HERC2: variants seen among roughly 807,000 people sequenced by gnomAD.
The protein encoded by HERC2 is E3 ubiquitin-protein ligase HERC2.
HERC2 carries 102 observed loss-of-function variants against 537.7 expected under a neutral mutation model. The observed-to-expected ratio is 0.19, with a 90% CI of 0.16 to 0.22. The LOEUF (loss-of-function observed/expected upper bound fraction) is 0.22, where lower values mean the gene tolerates loss of function less well. Ranked by LOEUF, HERC2 falls within the 10% of genes least tolerant of loss-of-function variation. The pLI is 1.00. For synonymous variants in HERC2, 2,224 were observed against 2,466.2 expected, an observed-to-expected ratio of 0.90 and a Z score of 2.91; for missense variants, 4,236 against 6,198.2, an observed-to-expected ratio of 0.68 and a Z score of 10.63.
chr15:28,133,807 C>T (rs950056907), intron 79 of HERC2, among the ~76,000 whole-genome samples: 4 of 152,170 alleles, frequency 2.6e-5, no homozygotes, highest in African/African-American at 9.7e-5. Flanking sequence ...ATTTGCCAGC[C>T]GGTTTCTGGA....
intron 37 of HERC2, among the ~76,000 whole-genome samples, chr15:28,219,736 T>C (rs900661689): frequency 6.6e-6 from 1 of 152,198 alleles, no homozygotes; most frequent in African/African-American, 2.4e-5. Flanking sequence ...TTTCTGAGCC[T>C]GATGACACTG....
At chr15:28,220,979 C>G (rs535411436) in intron 36 of HERC2, among the ~76,000 whole-genome samples, 2,940 of 141,096 alleles carry the variant, frequency 0.021, 47 homozygotes, top group African/African-American at 0.076. Flanking sequence ...CCATGGCTCC[C>G]ACCAGACCTC....
chr15:28,284,102 A>G (rs2076092819), intron 4 of HERC2, among the ~76,000 whole-genome samples: 1 of 152,208 alleles, frequency 6.6e-6, no homozygotes, highest in South Asian at 2.1e-4. Context: ...GTACTTATGA[A>G]TGGAATTTTC....
chr15:28,253,546 C>A (rs117744568), intron 20 of HERC2, among the ~76,000 whole-genome samples: 2,385 of 152,314 alleles, frequency 0.016, 32 homozygotes, highest in Middle Eastern at 0.044. Flanking sequence ...AAAGGGTCTG[C>A]TCTTTATTCT....
At chr15:28,263,803 G>A (rs1290374452) in intron 14 of HERC2, among the ~76,000 whole-genome samples, 9 of 151,970 alleles carry the variant, frequency 5.9e-5, no homozygotes, top group African/African-American at 1.2e-4. Context: ...AGGCCAAGGC[G>A]GGCGGATCAC....
chr15:28,165,399 C>T (rs572859993), intron 68 of HERC2, among the ~76,000 whole-genome samples: 3 of 152,246 alleles, frequency 2.0e-5, no homozygotes, highest in African/African-American at 7.2e-5. Flanking sequence ...GTTATAAATA[C>T]AGAAAGGGTG....
At chr15:28,263,255 C>T (rs1242364747) in intron 14 of HERC2, 86 bp from the exon 15 acceptor site, 11 of 1,451,950 alleles carry the variant, frequency 7.6e-6, no homozygotes, top group South Asian at 2.7e-5. Flanking sequence ...TAATGAAAAA[C>T]GCACACTAAT....
chr15:28,181,640 G>GAGACA (rs1895827626), intron 57 of HERC2, among the ~76,000 whole-genome samples: 1 of 152,190 alleles, frequency 6.6e-6, no homozygotes, highest in Non-Finnish European at 1.5e-5. Flanking sequence ...TTGCTTTGTG[G>GAGACA]CTCCTCAGCC....
intron 69 of HERC2, 69 bp from the exon 70 acceptor site, chr15:28,152,899 C>T: frequency 6.9e-7 from 1 of 1,454,266 alleles, no homozygotes; most frequent in Non-Finnish European, 9.3e-7. Context: ...CATGCCACCT[C>T]TGCCCGTCCT....
rs774638318 is a variant in HERC2 at position 28,196,436 on chromosome 15, T to C, written c.8120+25A>G. On this transcript the variant is annotated intron_variant, in intron 51 of 92. Coordinates refer to ENST00000261609, the MANE Select transcript of HERC2 (RefSeq NM_004667.6). ...AGAAAACCATTCGTCCCAAAGCAAA[T>C]CTAGCAACCATAAAAATAACTCACG... 3.8e-6 allele frequency: 6 copies of C among 1,596,264 alleles called. No individual in the cohort carries two copies. The South Asian group carries it at 5.6e-5, about 15-fold the overall frequency.
intron 3 of HERC2, among the ~76,000 whole-genome samples, chr15:28,296,597 T>C (rs1241611633): frequency 6.6e-6 from 1 of 151,854 alleles, no homozygotes; most frequent in Admixed American, 6.6e-5. Flanking sequence ...AGAAAACACT[T>C]TGGGAAAAAT....
intron 69 of HERC2, among the ~76,000 whole-genome samples, chr15:28,161,604 G>A (rs1171509961): frequency 6.6e-6 from 1 of 152,146 alleles, no homozygotes; most frequent in Non-Finnish European, 1.5e-5. Context: ...CTAGCCACAT[G>A]TGCCTCAAGT....
At chr15:28,285,074 G>C (rs1017846220) in intron 4 of HERC2, among the ~76,000 whole-genome samples, 1 of 151,800 alleles carries the variant, frequency 6.6e-6, no homozygotes, top group African/African-American at 2.4e-5. Flanking sequence ...GAACTGAAAG[G>C]AGAAAAAGAC....
At chr15:28,233,620 G>T (rs1370040410) in intron 28 of HERC2, 44 bp downstream of exon 28, 2 of 1,613,580 alleles carry the variant, frequency 1.2e-6, no homozygotes, top group Middle Eastern at 1.7e-4. Flanking sequence ...GTTAGTCGAG[G>T]AATCTGCAGT....
chr15:28,217,716 T>G (rs888731568), intron 38 of HERC2, among the ~76,000 whole-genome samples: 1 of 152,186 alleles, frequency 6.6e-6, no homozygotes, highest in African/African-American at 2.4e-5. Flanking sequence ...GGTGACATCA[T>G]GTTGGATTAG....
In HERC2 at chr15:28,163,102, A is replaced by C. The variant is rs1330801188; in HGVS notation, c.10738T>G (p.Tyr3580Asp). The C allele has an allele frequency of 1.2e-6, 2 of 1,609,206 alleles. No homozygotes were observed. The highest frequency in any genetic ancestry group is 1.7e-6 in the Non-Finnish European group (2 of 1,179,362). ...SAVLSGMGTA[Y>D]PQVADMLLEL... The stretch of plus-strand genomic sequence containing the variant: ...CCCTCCCTGAGACTCACCTGTGGGT[A>C]GGCGGTCCCCATGCCGGAAAGCACC... The change falls in exon 69 of 93, where the codon TAC becomes GAC. Residue 3580 changes from tyrosine (Y) to aspartate (D), a missense_variant. Transcript: ENST00000261609.
chr15:28,192,224 C>T (rs1896920142), intron 52 of HERC2, 73 bp from the exon 53 acceptor site: 2 of 1,273,434 alleles, frequency 1.6e-6, no homozygotes, highest in South Asian at 2.8e-5. Flanking sequence ...AAGAATATTA[C>T]ATAGTAAGGA....
intron 86 of HERC2, among the ~76,000 whole-genome samples, chr15:28,120,595 C>T (rs556778645): frequency 2.0e-5 from 3 of 152,286 alleles, no homozygotes; most frequent in South Asian, 4.1e-4. Context: ...GTCTACTTGT[C>T]GTTTCTTTGA....
intron 5 of HERC2, among the ~76,000 whole-genome samples, chr15:28,279,836 T>G (rs1006385029): frequency 1.3e-5 from 2 of 151,956 alleles, no homozygotes; most frequent in Non-Finnish European, 2.9e-5. Flanking sequence ...AAAGAAAAAT[T>G]TTATTGAATA....
Sources: gnomAD v4.1 joint callset for allele counts (sites outside exome capture counted in the v4.1 genomes callset) on GRCh38, gnomAD v4.1.1 for gene constraint, MANE v1.5 for transcripts, NCBI Gene and HGNC (gene_info 2026-07-23, HGNC 2026-07-21) for gene names.